ATP2C1: variants seen among roughly 807,000 people sequenced by gnomAD.
The protein encoded by ATP2C1 is calcium-transporting ATPase type 2C member 1.
A neutral mutation model predicts 120.5 loss-of-function variants in ATP2C1; 31 were observed. The ratio of observed to expected loss-of-function variants is 0.26; its 90% CI spans 0.19 to 0.35. The LOEUF (loss-of-function observed/expected upper bound fraction) is 0.35, where lower values mean the gene tolerates loss of function less well. Ranked by LOEUF, ATP2C1 falls within the 10% of genes least tolerant of loss-of-function variation. The pLI is 1.00. For synonymous variants in ATP2C1, 351 were observed against 358.7 expected, an observed-to-expected ratio of 0.98 and a Z score of 0.24; for missense variants, 731 against 1,107.5, an observed-to-expected ratio of 0.66 and a Z score of 4.83.
chr3:130,978,237 C>G (rs2061611134), intron 18 of ATP2C1, among the ~76,000 whole-genome samples: 1 of 152,122 alleles, frequency 6.6e-6, no homozygotes. Context: ...AGGTATATGA[C>G]TCTTACTTTG....
At chr3:130,991,718 A>G (rs975059326) in intron 20 of ATP2C1, among the ~76,000 whole-genome samples, 7 of 152,114 alleles carry the variant, frequency 4.6e-5, no homozygotes, top group Non-Finnish European at 7.4e-5. Context: ...GAATTTCTGG[A>G]GTAATGGTCT....
At chr3:130,962,584 A>G (rs1030816597) in intron 12 of ATP2C1, among the ~76,000 whole-genome samples, 2 of 151,702 alleles carry the variant, frequency 1.3e-5, no homozygotes, top group African/African-American at 2.4e-5. Flanking sequence ...GAAAATTTAG[A>G]GTGAAGTTTT....
intron 1 of ATP2C1, among the ~76,000 whole-genome samples, chr3:130,867,104 T>C (rs575210298): frequency 6.6e-6 from 1 of 152,342 alleles, no homozygotes; most frequent in African/African-American, 2.4e-5. Flanking sequence ...GAAAACTTAA[T>C]GGATAAATGT....
In ATP2C1 at chr3:130,970,369, TACAC is replaced by T. The variant is rs201337484; in HGVS notation, c.1413+1008_1413+1011del. ...GCAACAGCCTGTCTAAAAAAAAAAT[TACAC>T]ACACACACACACACACACACACACA... On this transcript the variant is annotated intron_variant, in intron 17 of 27. Coordinates refer to ENST00000510168, the MANE Select transcript of ATP2C1 (RefSeq NM_001378687.1). Among the ~76,000 whole-genome samples, 640 of 130,716 alleles carry T rather than the reference TACAC, an allele frequency of 4.9e-3. 5 individuals carry two copies. The highest frequency in any genetic ancestry group is 0.018 in the East Asian group (77 of 4,226). The allele number at this position is 130,716 out of a possible 152,430, so 85.8% of individuals were successfully genotyped here.
At chr3:130,886,582 A>G (rs1163461701) in intron 1 of ATP2C1, among the ~76,000 whole-genome samples, 2 of 152,054 alleles carry the variant, frequency 1.3e-5, no homozygotes, top group Non-Finnish European at 2.9e-5. Flanking sequence ...TAGCCTTTCT[A>G]CATGTTCACT....
chr3:130,979,660 G>A (rs546878090), intron 19 of ATP2C1, among the ~76,000 whole-genome samples: 1 of 61,532 alleles, frequency 1.6e-5, no homozygotes. Flanking sequence ...TCACAGAAGG[G>A]TAATTATTTT....
At chr3:130,913,547 A>T (rs746083341) in intron 2 of ATP2C1, among the ~76,000 whole-genome samples, 118 of 152,314 alleles carry the variant, frequency 7.7e-4, no homozygotes, top group Admixed American at 1.6e-3. Flanking sequence ...TGTACTTAAG[A>T]CATGCTGTTT....
At chr3:130,880,347 A>G (rs1164315494) in intron 1 of ATP2C1, among the ~76,000 whole-genome samples, 1 of 152,154 alleles carries the variant, frequency 6.6e-6, no homozygotes, top group Admixed American at 6.5e-5. Context: ...TTTTCACCTC[A>G]GCTTACCTGT....
rs192081433 is a variant in ATP2C1, at chr3:130,920,353, G to A, written c.7-10063G>A. Among the ~76,000 whole-genome samples, 7 of 152,224 alleles carry A rather than the reference G, an allele frequency of 4.6e-5. No homozygotes were observed. The East Asian group carries it at 1.3e-3, about 29-fold the overall frequency. On this transcript the variant is annotated intron_variant, in intron 2 of 27. Coordinates refer to ENST00000510168, the MANE Select transcript of ATP2C1 (RefSeq NM_001378687.1). ...ATTAAATCATTTTCAGTTGATTTTT[G>A]TGTATGGTGTAAGAAAAGGGCCCAG...
intron 8 of ATP2C1, among the ~76,000 whole-genome samples, chr3:130,952,970 AT>A (rs1247887325): frequency 2.6e-4 from 40 of 152,176 alleles, no homozygotes; most frequent in African/African-American, 8.9e-4. Context: ...TGTTGAGGTG[AT>A]TCATGTTAAT....
intron 20 of ATP2C1, among the ~76,000 whole-genome samples, chr3:130,983,239 A>G (rs532990567): frequency 4.0e-4 from 61 of 152,326 alleles, no homozygotes; most frequent in African/African-American, 1.4e-3. Context: ...TATTACCTAC[A>G]TTATCTAATT....
intron 18 of ATP2C1, among the ~76,000 whole-genome samples, chr3:130,976,941 A>C (rs1251155231): frequency 6.6e-6 from 1 of 152,144 alleles, no homozygotes; most frequent in Non-Finnish European, 1.5e-5. Context: ...CTCCCTTCTG[A>C]ACAGTTGGCA....
At position 130,947,330 on chromosome 3, in the gene ATP2C1, T is replaced by A. The variant is rs182988431; in HGVS notation, c.531+5631T>A. 2.8e-4 allele frequency among the ~76,000 whole-genome samples: 42 copies of A among 152,306 alleles called. No individual in the cohort carries two copies. In the East Asian group the frequency reaches 3.1e-3, roughly 11 times the overall value. ...AGTTCACACATTTAAGGTGTATCGT[T>A]CAGTGGTTTTCAGTATATTCACAGT... On this transcript the variant is annotated intron_variant, in intron 8 of 27. Coordinates refer to ENST00000510168, the MANE Select transcript of ATP2C1 (RefSeq NM_001378687.1).
intron 11 of ATP2C1, among the ~76,000 whole-genome samples, chr3:130,956,963 T>G (rs2060609424): frequency 6.6e-6 from 1 of 152,216 alleles, no homozygotes; most frequent in African/African-American, 2.4e-5. Context: ...TGTATAAGTT[T>G]TTTTTTCCCG....
At chr3:130,974,786 G>A (rs1212961692) in intron 17 of ATP2C1, among the ~76,000 whole-genome samples, 1 of 152,134 alleles carries the variant, frequency 6.6e-6, no homozygotes, top group Non-Finnish European at 1.5e-5. Context: ...AGAGAAAACA[G>A]CTAAGAGAGT....
intron 2 of ATP2C1, among the ~76,000 whole-genome samples, chr3:130,924,924 G>A (rs896338358): frequency 4.6e-5 from 7 of 151,754 alleles, no homozygotes; most frequent in African/African-American, 1.5e-4. Context: ...AGAAGTTGTG[G>A]TTGTTTTTTA....
intron 4 of ATP2C1, among the ~76,000 whole-genome samples, chr3:130,932,695 C>T (rs924444956): frequency 2.0e-5 from 3 of 151,984 alleles, no homozygotes; most frequent in East Asian, 3.8e-4. Flanking sequence ...ATCTTGATAA[C>T]GATTGTGTTA....
At chr3:130,920,410 T>C (rs756949889) in intron 2 of ATP2C1, among the ~76,000 whole-genome samples, 1 of 152,186 alleles carries the variant, frequency 6.6e-6, no homozygotes, top group Non-Finnish European at 1.5e-5. Context: ...CATGTAGATA[T>C]GAAGTTTTCC....
intron 17 of ATP2C1, among the ~76,000 whole-genome samples, chr3:130,970,387 C>CACACACAG (rs2061248037): frequency 6.6e-6 from 1 of 151,114 alleles, no homozygotes; most frequent in Non-Finnish European, 1.5e-5. Flanking sequence ...CACACACACA[C>CACACACAG]ACACACACAC....
Sources: allele counts gnomAD v4.1 joint callset (sites outside exome capture counted in the v4.1 genomes callset), GRCh38; gene constraint gnomAD v4.1.1; transcripts MANE v1.5; gene names NCBI Gene and HGNC (gene_info 2026-07-23, HGNC 2026-07-21).